Variants in SEC63 observed in about 807,000 individuals in gnomAD.
SEC63 encodes SEC63 protein translocation regulator.
A neutral mutation model predicts 116.2 loss-of-function variants in SEC63; 56 were observed. The observed-to-expected ratio is 0.48, with a 90% CI of 0.39 to 0.60. The LOEUF (loss-of-function observed/expected upper bound fraction) is 0.60, where lower values mean the gene tolerates loss of function less well. Ranked by LOEUF, SEC63 falls within the 20% of genes least tolerant of loss-of-function variation. The pLI, the probability that SEC63 is intolerant of heterozygous loss-of-function variation, is 0.00. For synonymous variants in SEC63, 273 were observed against 294.6 expected (o/e 0.93, Z 0.75); for missense variants, 668 against 900.0 (o/e 0.74, Z 3.30).
At chr6:107,930,433 C>A (rs866030322) in intron 1 of SEC63, among the ~76,000 whole-genome samples, 3 of 150,278 alleles carry the variant, frequency 2.0e-5, no homozygotes. Flanking sequence ...CATGGAGAAA[C>A]CCTGTCTCTA....
At chr6:107,904,477 GA>G in intron 11 of SEC63, 151 bp downstream of exon 11, 1 of 655,754 alleles carries the variant, frequency 1.5e-6, no homozygotes, top group Non-Finnish European at 2.7e-6. Flanking sequence ...GAAAATATAG[GA>G]AAGAAATATG....
intron 4 of SEC63, 53 bp downstream of exon 4, chr6:107,921,744 A>C: frequency 8.9e-7 from 1 of 1,121,536 alleles, no homozygotes; most frequent in Non-Finnish European, 1.4e-6. Context: ...GAACCACTGC[A>C]CCTGGCTTAT....
At position 107,870,054 on chromosome 6, in the gene SEC63, C is replaced by T. The variant is rs1048774131; in HGVS notation, c.*1650G>A. 5 of 152,324 alleles carry T rather than the reference C, an allele frequency of 3.3e-5. No homozygotes were observed. The highest frequency in any genetic ancestry group is 2.6e-4 in the Admixed American group (4 of 15,260). 9.4% of individuals were successfully genotyped at this position (152,324 alleles called of 1,614,324 possible). A position where few individuals can be genotyped will look rare whatever the true frequency, so the allele number is the denominator to read the frequency against. ...TTTCACTTGACACCAGCTGGCTTAC[C>T]CCCTGCCACCACACTTAGGTAATCA... On this transcript the variant is annotated 3_prime_UTR_variant, in exon 21 of 21. Coordinates refer to ENST00000369002, the MANE Select transcript of SEC63 (RefSeq NM_007214.5).
At chr6:107,921,954 A>G (rs773432547) in intron 3 of SEC63, 45 bp from the exon 4 acceptor site, 1 of 1,092,334 alleles carries the variant, frequency 9.2e-7, no homozygotes, top group South Asian at 1.3e-5. Context: ...GTTAGCAAAA[A>G]TAAGCACAAT....
At chr6:107,892,531 G>A (rs1786706978) in intron 16 of SEC63, among the ~76,000 whole-genome samples, 3 of 152,040 alleles carry the variant, frequency 2.0e-5, no homozygotes, top group Admixed American at 1.3e-4. Flanking sequence ...ATTAGCCATC[G>A]ATGAAAGATG....
At chr6:107,876,809 T>C in intron 18 of SEC63, 147 bp from the exon 19 acceptor site, 1 of 627,196 alleles carries the variant, frequency 1.6e-6, no homozygotes, top group Non-Finnish European at 2.8e-6. Context: ...AATGAATATT[T>C]ACTGAAAGAA....
At chr6:107,953,084 AC>A (rs1003570348) in intron 1 of SEC63, among the ~76,000 whole-genome samples, 27 of 152,032 alleles carry the variant, frequency 1.8e-4, no homozygotes, top group African/African-American at 6.3e-4. Flanking sequence ...ACATGGTGAA[AC>A]CCCATCTCTA....
Position 107,903,974 on chromosome 6 carries a change from C to T in SEC63, c.1054+655G>A, listed in dbSNP as rs920512388. ...CTCTACTAAAAATACAAAAATTAGC[C>T]GGGCGTGGTGGCATGCGCCTGTAAT... On this transcript the variant is annotated intron_variant, in intron 11 of 20. Coordinates refer to ENST00000369002, the MANE Select transcript of SEC63 (RefSeq NM_007214.5). Among the ~76,000 whole-genome samples the T allele has an allele frequency of 2.6e-5, 4 of 151,484 alleles. No individual in the cohort carries two copies. In the East Asian group the frequency reaches 7.8e-4, roughly 29 times the overall value.
chr6:107,903,945 C>T (rs943290147), intron 11 of SEC63, among the ~76,000 whole-genome samples: 1 of 151,278 alleles, frequency 6.6e-6, no homozygotes, highest in Admixed American at 6.6e-5. Context: ...TGATGAAACC[C>T]CGTCTCTACT....
At chr6:107,886,471 C>A (rs1786531689) in intron 16 of SEC63, among the ~76,000 whole-genome samples, 1 of 152,214 alleles carries the variant, frequency 6.6e-6, no homozygotes, top group African/African-American at 2.4e-5. Flanking sequence ...ACAGTCCCAC[C>A]AACAGTGTAA....
intron 3 of SEC63, among the ~76,000 whole-genome samples, chr6:107,924,388 C>G (rs892701849): frequency 1.3e-5 from 2 of 151,862 alleles, no homozygotes; most frequent in African/African-American, 4.8e-5. Flanking sequence ...ACCATCCTGG[C>G]TAACATGGTG....
chr6:107,898,107 T>C (rs1786908059), intron 13 of SEC63, among the ~76,000 whole-genome samples: 1 of 151,704 alleles, frequency 6.6e-6, no homozygotes, highest in South Asian at 2.1e-4. Flanking sequence ...CTATAAAAAA[T>C]ACAAAAATTA....
At chr6:107,946,699 T>G (rs929523969) in intron 1 of SEC63, among the ~76,000 whole-genome samples, 1 of 152,184 alleles carries the variant, frequency 6.6e-6, no homozygotes, top group African/African-American at 2.4e-5. Context: ...ATTTAAAGTT[T>G]TATCAGATCG....
intron 1 of SEC63, among the ~76,000 whole-genome samples, chr6:107,950,493 G>A (rs1405121092): frequency 2.0e-5 from 3 of 152,160 alleles, no homozygotes; most frequent in Admixed American, 2.0e-4. Flanking sequence ...GCCATGGGAC[G>A]TTTTGCAGGA....
intron 16 of SEC63, among the ~76,000 whole-genome samples, chr6:107,888,904 A>G (rs533094572): frequency 2.0e-5 from 3 of 152,112 alleles, no homozygotes; most frequent in Non-Finnish European, 4.4e-5. Context: ...ATTGATTTGC[A>G]TATGTTGAAC....
At chr6:107,930,199 T>G (rs1471953315) in intron 1 of SEC63, 3 of 143,228 alleles carry the variant, frequency 2.1e-5, no homozygotes, top group African/African-American at 5.3e-5. Context: ...TTTTTTTTTG[T>G]AGAAACTGGG....
chr6:107,886,828 G>C (rs935021626), intron 16 of SEC63, among the ~76,000 whole-genome samples: 1 of 142,828 alleles, frequency 7.0e-6, no homozygotes, highest in African/African-American at 2.6e-5. Flanking sequence ...TCTGATGATA[G>C]TTTTTTGTTT....
At position 107,955,611 on chromosome 6, in the gene SEC63, C is replaced by T. The variant is rs556714782; in HGVS notation, c.124+2275G>A. Among the ~76,000 whole-genome samples, 6 of 152,092 alleles carry T rather than the reference C, an allele frequency of 3.9e-5. No individual in the cohort carries two copies. The South Asian group carries it at 6.3e-4, about 16-fold the overall frequency. On this transcript the variant is annotated intron_variant, in intron 1 of 20. Transcript: ENST00000369002. ...GGTCAAGTATGACTTGTTGGCAGGG[C>T]GTGGTGGCTCATGCCTGTAGTCCCA...
intron 11 of SEC63, 40 bp downstream of exon 11, chr6:107,904,589 A>C: frequency 1.3e-6 from 2 of 1,497,510 alleles, no homozygotes; most frequent in Non-Finnish European, 1.9e-6. Flanking sequence ...ATATGCTTGC[A>C]AGAAAAAGTA....
Sources: allele counts gnomAD v4.1 joint callset (sites outside exome capture counted in the v4.1 genomes callset), GRCh38; gene constraint gnomAD v4.1.1; transcripts MANE v1.5; gene names NCBI Gene and HGNC (gene_info 2026-07-23, HGNC 2026-07-21).